CDK5R1: variants seen among roughly 807,000 people sequenced by gnomAD.
CDK5R1 encodes cyclin-dependent kinase 5 activator 1.
In CDK5R1, 1 loss-of-function variant was observed where a neutral mutation model predicts 19.0. The observed-to-expected ratio is 0.05, with a 90% CI of 0.02 to 0.25. The LOEUF (loss-of-function observed/expected upper bound fraction) is 0.25, where lower values mean the gene tolerates loss of function less well. Among genes scored for constraint, CDK5R1 ranks in the 10% least tolerant of loss-of-function variants. The pLI is 1.00. For synonymous variants in CDK5R1, 225 were observed against 187.7 expected, an observed-to-expected ratio of 1.20 and a Z score of -1.62; for missense variants, 314 against 401.0, an observed-to-expected ratio of 0.78 and a Z score of 1.85.
In CDK5R1 at chr17:32,487,541, C is replaced by G. The variant is rs377437873; in HGVS notation, c.-80C>G. ...GCCTCCTCTCCGGGGCCGCCGCAGG[C>G]TCGGTGAGCGGTTTTATCCCTCCGG... On this transcript the variant is annotated 5_prime_UTR_variant, in exon 2 of 2. Coordinates refer to ENST00000313401, the MANE Select transcript of CDK5R1 (RefSeq NM_003885.3). The surrounding 1 kb of genome is among the most constrained non-coding windows in gnomAD (Gnocchi z 7.9). 7.5e-4 allele frequency: 890 copies of G among 1,189,722 alleles called. 10 individuals carry two copies. In the East Asian group the frequency reaches 0.019, roughly 25 times the overall value. 73.7% of individuals were successfully genotyped at this position (1,189,722 alleles called of 1,614,324 possible).
rs1908814168 is a variant in CDK5R1 at position 32,489,963 on chromosome 17, T to G, written c.*1419T>G. On this transcript the variant is annotated 3_prime_UTR_variant, in exon 2 of 2. Transcript: ENST00000313401. ...AGGCAGAGGGTCACTTTACATAGGATTAAGTTCGAGGTGGCTACCGATTTC... is the reference window on the plus strand; with the variant it reads ...AGGCAGAGGGTCACTTTACATAGGAGTAAGTTCGAGGTGGCTACCGATTTC... 1 of 166,952 alleles carries G rather than the reference T, an allele frequency of 6.0e-6. No homozygotes were observed. The highest frequency in any genetic ancestry group is 6.5e-5 in the Admixed American group (1 of 15,286). 10.3% of individuals were successfully genotyped at this position (166,952 alleles called of 1,614,324 possible).
Position 32,487,687 on chromosome 17 carries a change from A to G in CDK5R1, c.67A>G (p.Thr23Ala). The G allele has an allele frequency of 6.2e-7, 1 of 1,613,688 alleles. No individual in the cohort carries two copies. Among genetic ancestry groups the G allele is most frequent in the Non-Finnish European group, 8.5e-7 (1 of 1,179,910 alleles). The change falls in exon 2 of 2, where the codon ACC (threonine) becomes GCC (alanine). Residue 23 changes from threonine (T) to alanine (A), a missense_variant. By Grantham distance (58) the Thr-to-Ala change is moderately conservative. Transcript: ENST00000313401. The surrounding 1 kb of genome is among the most constrained non-coding windows in gnomAD (Gnocchi z 7.9). ...KATLFEDGAA[T>A]VGHYTAVQNS... ...CACGCTGTTTGAGGATGGCGCGGCC[A>G]CCGTGGGCCACTATACGGCCGTACA...
chr17:32,488,518 C>T lies in CDK5R1; in HGVS notation c.898C>T (p.Arg300Trp), dbSNP rs1197781384. The part of the protein sequence containing the change: ...KNESGQEDKK[R>W]LLLGLDR The stretch of plus-strand genomic sequence containing the variant: ...CGAGAGCGGCCAGGAGGACAAGAAG[C>T]GGCTCCTCCTAGGCCTGGATCGGTG... Residue 300 changes from arginine (R) to tryptophan (W), a missense_variant, in exon 2 of 2, where the codon CGG (arginine) becomes TGG (tryptophan). Coordinates refer to ENST00000313401, the MANE Select transcript of CDK5R1 (RefSeq NM_003885.3). 5 of 1,614,054 alleles carry T rather than the reference C, an allele frequency of 3.1e-6. No individual in the cohort carries two copies. Among genetic ancestry groups the T allele is most frequent in the Admixed American group, 1.7e-5 (1 of 60,008 alleles).
Position 32,489,512 on chromosome 17 carries a change from A to C in CDK5R1, c.*968A>C, listed in dbSNP as rs1015964112. The stretch of plus-strand genomic sequence containing the variant: ...GTCCTGCAGAGCTGGGGGGAAGGCG[A>C]TGTGGTGACCCCACCCCCACCCGTT... On this transcript the variant is annotated 3_prime_UTR_variant, in exon 2 of 2. Transcript: ENST00000313401. 3.6e-5 allele frequency: 10 copies of C among 279,826 alleles called. No individual in the cohort carries two copies. In the South Asian group the frequency reaches 3.7e-4, roughly 10 times the overall value. 17.3% of individuals were successfully genotyped at this position (279,826 alleles called of 1,614,324 possible).
In CDK5R1 at chr17:32,489,185, C is replaced by G. The variant is rs1449171650; in HGVS notation, c.*641C>G. The stretch of plus-strand genomic sequence containing the variant: ...TTAGTGGAGAAATGGAACTCGCCCC[C>G]CTACCCCCTTGTCTGCTGCTCCCAG... On this transcript the variant is annotated 3_prime_UTR_variant, in exon 2 of 2. Coordinates refer to ENST00000313401, the MANE Select transcript of CDK5R1 (RefSeq NM_003885.3). 2.1e-6 allele frequency: 1 copy of G among 471,156 alleles called. No individual in the cohort carries two copies. The highest frequency in any genetic ancestry group is 2.3e-5 in the Admixed American group (1 of 42,588). 29.2% of individuals were successfully genotyped at this position (471,156 alleles called of 1,614,324 possible).
Position 32,489,303 on chromosome 17 carries a change from A to G in CDK5R1, c.*759A>G. 4.2e-6 allele frequency: 2 copies of G among 470,934 alleles called. No homozygotes were observed. Among genetic ancestry groups the G allele is most frequent in the Non-Finnish European group, 8.8e-6 (2 of 226,964 alleles). 29.2% of individuals were successfully genotyped at this position (470,934 alleles called of 1,614,324 possible). On this transcript the variant is annotated 3_prime_UTR_variant, in exon 2 of 2. Transcript: ENST00000313401. ...AAAGAGGTGGGGTGAAGCTGGGGAC[A>G]GCTTTCCTGGGTGAGTTTTTCTTTT...
At position 32,490,536 on chromosome 17, in the gene CDK5R1, C is replaced by T. The variant is rs1908834264; in HGVS notation, c.*1992C>T. On this transcript the variant is annotated 3_prime_UTR_variant, in exon 2 of 2. Coordinates refer to ENST00000313401, the MANE Select transcript of CDK5R1 (RefSeq NM_003885.3). The stretch of plus-strand genomic sequence containing the variant: ...TAAGGGAAGAACTCTCTAGTTCCCT[C>T]AGTGTGAAGCCTGTCGTGTTCTCTC... 1 of 167,080 alleles carries T rather than the reference C, an allele frequency of 6.0e-6. No individual in the cohort carries two copies. The highest frequency in any genetic ancestry group is 6.5e-5 in the Admixed American group (1 of 15,284). The allele number at this position is 167,080 out of a possible 1,614,324, so 10.3% of individuals were successfully genotyped here. A position where few individuals can be genotyped will look rare whatever the true frequency, so the allele number is the denominator to read the frequency against.
At position 32,487,765 on chromosome 17, in the gene CDK5R1, G is replaced by A; in HGVS notation, c.145G>A (p.Val49Met). 1 of 1,614,144 alleles carries A rather than the reference G, an allele frequency of 6.2e-7. No homozygotes were observed. The highest frequency in any genetic ancestry group is 1.1e-5 in the South Asian group (1 of 91,080). The change falls in exon 2 of 2, where the codon GTG becomes ATG. Residue 49 changes from valine (V) to methionine (M), a missense_variant. By Grantham distance (21) the Val-to-Met change is conservative (BLOSUM62 1). Transcript: ENST00000313401. The surrounding 1 kb of genome is among the most constrained non-coding windows in gnomAD (Gnocchi z 7.9). ...CCTGAAGCGCCACTCCATCATCTCC[G>A]TGCTGCCTTGGAAGAGAATCGTGGC... ...KNLKRHSIISVLPWKRIVAVS... is the reference protein window; with the variant it reads ...KNLKRHSIISMLPWKRIVAVS...
chr17:32,487,007 TGCCGCC>T lies in CDK5R1; in HGVS notation c.-284_-279del, dbSNP rs9333298. ...GAACCTTGGACAGAAGCTCCCTAGC[TGCCGCC>T]GCCGCCGCCGCCGCCGTCGCCGCCG... On this transcript the variant is annotated 5_prime_UTR_variant, in exon 1 of 2. Coordinates refer to ENST00000313401, the MANE Select transcript of CDK5R1 (RefSeq NM_003885.3). This position sits in a 1 kb window ranked among gnomAD's most constrained non-coding sequence, Gnocchi z 7.9. The T allele has an allele frequency of 5.7e-3, 871 of 153,230 alleles. 10 individuals carry two copies. Among genetic ancestry groups the T allele is most frequent in the African/African-American group, 0.019 (767 of 40,028 alleles). 9.5% of individuals were successfully genotyped at this position (153,230 alleles called of 1,614,324 possible).
In CDK5R1 at chr17:32,489,042, C is replaced by T. The variant is rs933427966; in HGVS notation, c.*498C>T. On this transcript the variant is annotated 3_prime_UTR_variant, in exon 2 of 2. Coordinates refer to ENST00000313401, the MANE Select transcript of CDK5R1 (RefSeq NM_003885.3). ...AGGCAAGATCCCCGCCACCCGGGGA[C>T]ATCTTCAATCTAGGCGAGGCGAAGC... The T allele has an allele frequency of 1.6e-4, 63 of 405,334 alleles. No homozygotes were observed. The highest frequency in any genetic ancestry group is 1.2e-3 in the African/African-American group (58 of 47,742). The allele number at this position is 405,334 out of a possible 1,614,324, so 25.1% of individuals were successfully genotyped here. A position where few individuals can be genotyped will look rare whatever the true frequency, so the allele number is the denominator to read the frequency against.
rs1423089485 is a variant in CDK5R1, at chr17:32,488,261, C to T, written c.641C>T (p.Ser214Phe). 5 of 1,613,962 alleles carry T rather than the reference C, an allele frequency of 3.1e-6. No homozygotes were observed. In the African/African-American group the frequency reaches 4.0e-5, roughly 13 times the overall value. Residue 214 changes from serine to phenylalanine, a missense_variant, in exon 2 of 2, where the codon TCC becomes TTC. By Grantham distance (155) the Ser-to-Phe change is radical. Around this residue, in one of 3 missense-constraint regions of CDK5R1, gnomAD observed 106 missense variants for 132.1 expected, o/e 0.80. Coordinates refer to ENST00000313401, the MANE Select transcript of CDK5R1 (RefSeq NM_003885.3). ...LYMLCRDVIS[S>F]EVGSDHELQA... is the part of the protein sequence containing the mutation. ...ATGCTCTGCAGGGATGTTATCTCCT[C>T]CGAGGTGGGCTCGGATCACGAGCTC...
chr17:32,488,286 C>G lies in CDK5R1; in HGVS notation c.666C>G (p.Leu222=). 2 of 1,614,098 alleles carry G rather than the reference C, an allele frequency of 1.2e-6. No homozygotes were observed. Among genetic ancestry groups the G allele is most frequent in the Non-Finnish European group, 1.7e-6 (2 of 1,180,032 alleles). The change falls in exon 2 of 2, where the codon CTC becomes CTG. Residue 222 remains leucine (L), a synonymous_variant. Coordinates refer to ENST00000313401, the MANE Select transcript of CDK5R1 (RefSeq NM_003885.3). ...ISSEVGSDHE[L]QAVLLTCLYL... The stretch of plus-strand genomic sequence containing the variant: ...CCGAGGTGGGCTCGGATCACGAGCT[C>G]CAGGCCGTCCTGCTGACATGCCTGT...
rs1320753894 is a variant in CDK5R1, at chr17:32,488,519, G to A, written c.899G>A (p.Arg300Gln). ...KNESGQEDKK[R>Q]LLLGLDR is the part of the protein sequence containing the mutation. Reference sequence around the variant, plus strand: ...GAGAGCGGCCAGGAGGACAAGAAGCGGCTCCTCCTAGGCCTGGATCGGTGA... The same window carrying A: ...GAGAGCGGCCAGGAGGACAAGAAGCAGCTCCTCCTAGGCCTGGATCGGTGA... Residue 300 changes from arginine (R) to glutamine (Q), a missense_variant, in exon 2 of 2, where the codon CGG becomes CAG. Arg to Gln is a conservative substitution (Grantham distance 43). Transcript: ENST00000313401. 6.2e-7 allele frequency: 1 copy of A among 1,614,062 alleles called. No individual in the cohort carries two copies. Among genetic ancestry groups the A allele is most frequent in the African/African-American group, 1.3e-5 (1 of 74,914 alleles).
At position 32,488,646 on chromosome 17, in the gene CDK5R1, G is replaced by A. The variant is rs1908764325; in HGVS notation, c.*102G>A. 6.4e-7 allele frequency: 1 copy of A among 1,552,008 alleles called. No homozygotes were observed. The highest frequency in any genetic ancestry group is 1.4e-5 in the African/African-American group (1 of 72,974). On this transcript the variant is annotated 3_prime_UTR_variant, in exon 2 of 2. Transcript: ENST00000313401. ...TATGTGTCTAGCAAAGCCACCAAGG[G>A]CCTCACCTTTCCCACAGTCTCTCCC...
Position 32,488,092 on chromosome 17 carries a change from T to A in CDK5R1, c.472T>A (p.Phe158Ile). 6.2e-7 allele frequency: 1 copy of A among 1,612,912 alleles called. No individual in the cohort carries two copies. Among genetic ancestry groups the A allele is most frequent in the Non-Finnish European group, 8.5e-7 (1 of 1,179,724 alleles). ...TGAGCTGCTTCGCTGCCTGGGTGAG[T>A]TTCTCTGCCGCCGGTGCTACCGCCT... ...TSELLRCLGE[F>I]LCRRCYRLKH... The change falls in exon 2 of 2, where the codon TTT becomes ATT. Residue 158 changes from phenylalanine to isoleucine, a missense_variant. Transcript: ENST00000313401.
chr17:32,490,817 C>T lies in CDK5R1; in HGVS notation c.*2273C>T, dbSNP rs908264698. On this transcript the variant is annotated 3_prime_UTR_variant, in exon 2 of 2. Coordinates refer to ENST00000313401, the MANE Select transcript of CDK5R1 (RefSeq NM_003885.3). ...AAATTACACCCATGCACAGAACAAG[C>T]CACAGGAATAATAGTTCAGGATTTG... 4 of 167,054 alleles carry T rather than the reference C, an allele frequency of 2.4e-5. No individual in the cohort carries two copies. The highest frequency in any genetic ancestry group is 9.7e-5 in the African/African-American group (4 of 41,444). The allele number at this position is 167,054 out of a possible 1,614,324, so 10.3% of individuals were successfully genotyped here.
In CDK5R1 at chr17:32,487,978, G is replaced by A. The variant is rs764825347; in HGVS notation, c.358G>A (p.Gly120Arg). The A allele has an allele frequency of 1.2e-6, 2 of 1,613,094 alleles. No individual in the cohort carries two copies. Among genetic ancestry groups the A allele is most frequent in the Non-Finnish European group, 1.7e-6 (2 of 1,179,890 alleles). Residue 120 changes from glycine to arginine, a missense_variant, in exon 2 of 2, where the codon GGG becomes AGG. By Grantham distance (125) the Gly-to-Arg change is moderately radical. Transcript: ENST00000313401. This position sits in a 1 kb window ranked among gnomAD's most constrained non-coding sequence, Gnocchi z 7.9. ...PASQLSGSQT[G>R]GSSSVKKAPH... ...CAGCCAGCTCTCGGGTTCCCAGACC[G>A]GGGGCTCCTCCTCAGTCAAGAAAGC... is the stretch of plus-strand genomic sequence containing the variant.
rs1042845 is a variant in CDK5R1, at chr17:32,487,830, C to G, written c.210C>G (p.Pro70=). ...AKKKNSKKVQ[P]NSSYQNNITH... ...AGAAGAACTCCAAGAAGGTGCAGCC[C>G]AACAGCAGCTACCAGAACAACATCA... The change falls in exon 2 of 2, where the codon CCC becomes CCG. Residue 70 remains proline, a synonymous_variant. Coordinates refer to ENST00000313401, the MANE Select transcript of CDK5R1 (RefSeq NM_003885.3). The surrounding 1 kb of genome is among the most constrained non-coding windows in gnomAD (Gnocchi z 7.9). The G allele has an allele frequency of 6.8e-6, 11 of 1,614,116 alleles. No homozygotes were observed. The highest frequency in any genetic ancestry group is 6.6e-5 in the South Asian group (6 of 91,082).
chr17:32,488,058 G>A lies in CDK5R1; in HGVS notation c.438G>A (p.Ala146=), dbSNP rs1908740747. 3 of 1,612,866 alleles carry A rather than the reference G, an allele frequency of 1.9e-6. No individual in the cohort carries two copies. The highest frequency in any genetic ancestry group is 1.1e-5 in the South Asian group (1 of 91,012). ...AGTPKRVIVQ[A]STSELLRCLG... ...CGCCCAAACGGGTCATCGTCCAGGC[G>A]TCCACCAGTGAGCTGCTTCGCTGCC... Residue 146 remains alanine, a synonymous_variant, in exon 2 of 2, where the codon GCG becomes GCA. Transcript: ENST00000313401.
Sources: allele counts gnomAD v4.1 joint callset, GRCh38; gene constraint gnomAD v4.1.1; regional missense constraint gnomAD v4.1.1; non-coding constraint Gnocchi (gnomAD v3.1); transcripts MANE v1.5; gene names NCBI Gene and HGNC (gene_info 2026-07-23, HGNC 2026-07-21).